Variants in SLC27A2 observed in about 807,000 individuals in gnomAD.
The protein encoded by SLC27A2 is long-chain fatty acid transport protein 2.
A neutral mutation model predicts 60.0 loss-of-function variants in SLC27A2; 54 were observed. The observed-to-expected ratio is 0.90, with a 90% CI of 0.72 to 1.13. The LOEUF (loss-of-function observed/expected upper bound fraction) is 1.13, where lower values mean the gene tolerates loss of function less well. Ranked by LOEUF, SLC27A2 falls within the 50% of genes most tolerant of loss-of-function variation. The pLI is 0.00. For synonymous variants in SLC27A2, 297 were observed against 297.6 expected (o/e 1.00, Z 0.02); for missense variants, 739 against 777.6 (o/e 0.95, Z 0.59).
At chr15:50,216,610 G>GTGTGTGTGTGTGTGTGTATATATATATA (rs1323910367) in intron 4 of SLC27A2, among the ~76,000 whole-genome samples, 3 of 66,492 alleles carry the variant, frequency 4.5e-5, no homozygotes, top group Non-Finnish European at 8.9e-5. Flanking sequence ...GTGTGTGTGT[G>GTGTGTGTGTGTGTGTGTATATATATATA]TATATATATA....
chr15:50,218,825 AG>A, intron 4 of SLC27A2, among the ~76,000 whole-genome samples: 1 of 152,350 alleles, frequency 6.6e-6, no homozygotes, highest in East Asian at 1.9e-4. Flanking sequence ...AGAGAGACAA[AG>A]GGACCCCCCA....
chr15:50,225,879 T>C, intron 5 of SLC27A2, 109 bp from the exon 6 acceptor site: 2 of 689,756 alleles, frequency 2.9e-6, no homozygotes, highest in Non-Finnish European at 4.8e-6. Flanking sequence ...TATATGCAAA[T>C]GCAAAATTTC....
At chr15:50,219,179 A>G (rs148460050) in intron 4 of SLC27A2, among the ~76,000 whole-genome samples, 4 of 152,346 alleles carry the variant, frequency 2.6e-5, no homozygotes, top group Admixed American at 2.6e-4. Context: ...ATCTACCACA[A>G]TAGGAAATCT....
At chr15:50,221,117 G>A (rs2045238907) in intron 4 of SLC27A2, among the ~76,000 whole-genome samples, 1 of 151,964 alleles carries the variant, frequency 6.6e-6, no homozygotes, top group Non-Finnish European at 1.5e-5. Context: ...GAGGCAGGAG[G>A]ATCGCTTGAG....
Position 50,224,341 on chromosome 15 carries a change from G to A in SLC27A2, c.1167+1182G>A, listed in dbSNP as rs910193583. Among the ~76,000 whole-genome samples the A allele has an allele frequency of 1.4e-4, 21 of 152,214 alleles. 1 individual carries two copies. Among genetic ancestry groups the A allele is most frequent in the Non-Finnish European group, 7.3e-5 (5 of 68,044 alleles). On this transcript the variant is annotated intron_variant, in intron 5 of 9. Transcript: ENST00000267842. Reference sequence around the variant, plus strand: ...TGTAATCCCAGCTACTCGGGAGGCTGAGGCAGGAGAATGGCGTGAACCCGG... The same window carrying A: ...TGTAATCCCAGCTACTCGGGAGGCTAAGGCAGGAGAATGGCGTGAACCCGG...
At chr15:50,183,003 A>T in intron 1 of SLC27A2, 98 bp downstream of exon 1, 1 of 1,210,586 alleles carries the variant, frequency 8.3e-7, no homozygotes, top group South Asian at 1.4e-5. Context: ...AGGGAGGTTC[A>T]GATCGGAACT....
intron 4 of SLC27A2, among the ~76,000 whole-genome samples, chr15:50,209,258 C>T (rs939489245): frequency 5.3e-5 from 8 of 152,176 alleles, no homozygotes; most frequent in African/African-American, 1.9e-4. Context: ...ATTTCTGTCT[C>T]TGCATCAGCT....
chr15:50,235,835 C>G (rs2045347885), intron 9 of SLC27A2, 85 bp from the exon 10 acceptor site: 2 of 956,930 alleles, frequency 2.1e-6, no homozygotes, highest in East Asian at 2.5e-5. Context: ...TTTGCTAGAT[C>G]CCCATGCCCC....
intron 4 of SLC27A2, among the ~76,000 whole-genome samples, chr15:50,211,576 A>G (rs1056422256): frequency 6.6e-6 from 1 of 152,232 alleles, no homozygotes; most frequent in Non-Finnish European, 1.5e-5. Context: ...AGGCTCATCA[A>G]CATCCCCAAA....
chr15:50,216,422 A>G (rs1447031902), intron 4 of SLC27A2, among the ~76,000 whole-genome samples: 1 of 151,960 alleles, frequency 6.6e-6, no homozygotes, highest in African/African-American at 2.4e-5. Context: ...AACTAAAAGT[A>G]GAACTACCAT....
In SLC27A2 at chr15:50,205,281, T is replaced by G; in HGVS notation, c.890T>G (p.Phe297Cys). The G allele has an allele frequency of 6.2e-7, 1 of 1,609,552 alleles. No homozygotes were observed. Among genetic ancestry groups the G allele is most frequent in the African/African-American group, 1.3e-5 (1 of 74,962 alleles). Reference protein sequence around the residue: ...ALRTKFSASQFWDDCRKYNVT... With the variant: ...ALRTKFSASQCWDDCRKYNVT... ...CGGACTAAATTTTCAGCCAGCCAGT[T>G]TTGGGATGACTGCAGAAAATACAAC... Residue 297 changes from phenylalanine (F) to cysteine (C), a missense_variant, in exon 4 of 10, where the codon TTT (phenylalanine) becomes TGT (cysteine). Physicochemically the swap from Phe to Cys is radical, Grantham distance 205. Coordinates refer to ENST00000267842, the MANE Select transcript of SLC27A2 (RefSeq NM_003645.4).
chr15:50,194,998 C>G (rs1181633895), intron 1 of SLC27A2, among the ~76,000 whole-genome samples: 1 of 151,978 alleles, frequency 6.6e-6, no homozygotes, highest in African/African-American at 2.4e-5. Flanking sequence ...ATAATGGTAT[C>G]AGAATAAATA....
intron 5 of SLC27A2, 137 bp from the exon 6 acceptor site, chr15:50,225,850 TG>T: frequency 1.9e-6 from 1 of 514,270 alleles, no homozygotes; most frequent in Non-Finnish European, 3.5e-6. Context: ...TGTCTCTCTC[TG>T]GGTGGCAGTT....
intron 4 of SLC27A2, among the ~76,000 whole-genome samples, chr15:50,207,789 C>CAA (rs535929329): frequency 2.5e-3 from 187 of 75,620 alleles, no homozygotes; most frequent in Middle Eastern, 9.3e-3. Context: ...GACCCTGTCT[C>CAA]AAAAAAAAAA....
At chr15:50,184,849 A>T (rs76059350) in intron 1 of SLC27A2, among the ~76,000 whole-genome samples, 19 of 152,118 alleles carry the variant, frequency 1.2e-4, no homozygotes, top group Non-Finnish European at 2.2e-4. Flanking sequence ...AAAACAGAAT[A>T]AAAAAAAGAC....
At chr15:50,214,188 C>T (rs1398709132) in intron 4 of SLC27A2, among the ~76,000 whole-genome samples, 2 of 152,056 alleles carry the variant, frequency 1.3e-5, no homozygotes, top group African/African-American at 4.8e-5. Context: ...AACACCCTTA[C>T]GCACATAAAC....
intron 4 of SLC27A2, among the ~76,000 whole-genome samples, chr15:50,209,377 G>T (rs1203253557): frequency 6.6e-6 from 1 of 152,156 alleles, no homozygotes; most frequent in Non-Finnish European, 1.5e-5. Context: ...AGAGGGAAGG[G>T]GAGCAGAATC....
At chr15:50,205,009 C>A (rs1226128134) in intron 3 of SLC27A2, among the ~76,000 whole-genome samples, 1 of 151,188 alleles carries the variant, frequency 6.6e-6, no homozygotes, top group Non-Finnish European at 1.5e-5. Flanking sequence ...TGCAAGCTAA[C>A]TTTTATTAAA....
intron 9 of SLC27A2, among the ~76,000 whole-genome samples, chr15:50,234,393 G>A (rs1461222541): frequency 6.6e-6 from 1 of 152,074 alleles, no homozygotes; most frequent in East Asian, 1.9e-4. Context: ...TTCGAGATCA[G>A]CCTGGCTAAC....
Sources: gnomAD v4.1 joint callset for allele counts (sites outside exome capture counted in the v4.1 genomes callset) on GRCh38, gnomAD v4.1.1 for gene constraint, MANE v1.5 for transcripts, NCBI Gene and HGNC (gene_info 2026-07-23, HGNC 2026-07-21) for gene names.